Variants in DIAPH2 observed in about 807,000 individuals in gnomAD.
DIAPH2 encodes protein diaphanous homolog 2.
A neutral mutation model predicts 92.7 loss-of-function variants in DIAPH2; 35 were observed. The ratio of observed to expected loss-of-function variants is 0.38; its 90% CI spans 0.29 to 0.50. The LOEUF (loss-of-function observed/expected upper bound fraction) is 0.50, where lower values mean the gene tolerates loss of function less well. DIAPH2 is among the 20% of genes least tolerant of loss of function. DIAPH2 has a pLI of 0.94. For synonymous variants in DIAPH2, 301 were observed against 280.4 expected (o/e 1.07, Z -0.73); for missense variants, 701 against 819.5 (o/e 0.86, Z 1.77).
Position 96,735,741 on chromosome X carries a change from CT to C in DIAPH2, c.133-12del. ...TCTGATGGGTTTTTTTTGTTTGTTTCTTTTTGGTTTTAATAGAACATTCAAA... is the reference window on the plus strand; with the variant it reads ...TCTGATGGGTTTTTTTTGTTTGTTTCTTTTGGTTTTAATAGAACATTCAAA... On this transcript the variant is annotated splice_polypyrimidine_tract_variant and intron_variant, in intron 1 of 26. Transcript: ENST00000324765. The C allele has an allele frequency of 9.8e-7, 1 of 1,025,496 alleles. No individual in the cohort carries two copies. Among genetic ancestry groups the C allele is most frequent in the Non-Finnish European group, 1.3e-6 (1 of 753,450 alleles). 84.5% of individuals were successfully genotyped at this position (1,025,496 alleles called of 1,213,427 possible).
chrX:96,958,969 TC>T (rs1312160489), intron 16 of DIAPH2, among the ~76,000 whole-genome samples: 1 of 111,988 alleles, frequency 8.9e-6, no homozygotes, highest in Non-Finnish European at 1.9e-5. Context: ...ATTTTCTTTA[TC>T]CATTCATCCG....
At chrX:97,098,349 A>G (rs1174806018) in intron 19 of DIAPH2, among the ~76,000 whole-genome samples, 2 of 110,983 alleles carry the variant, frequency 1.8e-5, no homozygotes, top group African/African-American at 6.6e-5. Context: ...TTAAGCAATA[A>G]CTCCCCATAC....
At chrX:97,497,993 C>G (rs889550838) in intron 26 of DIAPH2, among the ~76,000 whole-genome samples, 1 of 111,058 alleles carries the variant, frequency 9.0e-6, no homozygotes, top group African/African-American at 3.3e-5. Flanking sequence ...ACAGTGGTCT[C>G]CCAGCCATGG....
intron 23 of DIAPH2, among the ~76,000 whole-genome samples, chrX:97,294,747 C>A (rs188516768): frequency 1.4e-4 from 16 of 111,538 alleles, no homozygotes; most frequent in African/African-American, 4.9e-4. Flanking sequence ...TGTAAAATTG[C>A]GAGTAATTTT....
Position 97,379,973 on chromosome X carries a change from C to CTT in DIAPH2, c.3010-3926_3010-3925dup, listed in dbSNP as rs1181397104. 3.0e-5 allele frequency among the ~76,000 whole-genome samples: 3 copies of CTT among 100,510 alleles called. No homozygotes were observed. The South Asian group carries it at 1.3e-3, about 44-fold the overall frequency. The allele number at this position is 100,510 out of a possible 115,157, so 87.3% of individuals were successfully genotyped here. Reference sequence around the variant, plus strand: ...TCTTAGCATTTACGTGAATTTCTTTCTTTTTTTTTTTAGCATATGACATTT... The same window carrying CTT: ...TCTTAGCATTTACGTGAATTTCTTTCTTTTTTTTTTTTTAGCATATGACATTT... On this transcript the variant is annotated intron_variant, in intron 24 of 26. Transcript: ENST00000324765.
intron 26 of DIAPH2, among the ~76,000 whole-genome samples, chrX:97,537,908 A>G (rs2071108987): frequency 1.0e-5 from 1 of 97,922 alleles, no homozygotes; most frequent in Non-Finnish European, 2.0e-5. Flanking sequence ...TTTTTTTGAG[A>G]CAGTCTCGTT....
At chrX:97,150,420 A>G (rs1266361552) in intron 22 of DIAPH2, among the ~76,000 whole-genome samples, 3 of 111,618 alleles carry the variant, frequency 2.7e-5, no homozygotes, top group Non-Finnish European at 5.6e-5. Flanking sequence ...TTATAGACAT[A>G]TATAGGTTTT....
intron 23 of DIAPH2, among the ~76,000 whole-genome samples, chrX:97,268,446 T>G (rs767175603): frequency 6.2e-5 from 7 of 112,809 alleles, no homozygotes; most frequent in Admixed American, 9.4e-5. Context: ...ACATTTACTG[T>G]GCTATGGTGA....
chrX:97,157,334 T>TATA (rs61008919), intron 22 of DIAPH2, among the ~76,000 whole-genome samples: 146 of 103,680 alleles, frequency 1.4e-3, no homozygotes, highest in East Asian at 5.0e-3. Flanking sequence ...ATAATAATAA[T>TATA]ATAATAATAA....
At chrX:96,886,771 C>A (rs1245371849) in intron 5 of DIAPH2, among the ~76,000 whole-genome samples, 7 of 111,009 alleles carry the variant, frequency 6.3e-5, no homozygotes, top group Non-Finnish European at 9.4e-5. Flanking sequence ...ATACAATATT[C>A]TTTTGTGACA....
At chrX:97,309,020 A>G (rs1295326445) in intron 23 of DIAPH2, among the ~76,000 whole-genome samples, 4 of 109,379 alleles carry the variant, frequency 3.7e-5, no homozygotes, top group Non-Finnish European at 1.9e-5. Flanking sequence ...CTCCGTCTCA[A>G]AAAAACAAAA....
Position 96,704,632 on chromosome X carries a change from A to T in DIAPH2, c.132+19442A>T, listed in dbSNP as rs181707967. Among the ~76,000 whole-genome samples the T allele has an allele frequency of 1.4e-3, 157 of 111,383 alleles. 1 individual carries two copies. The highest frequency in any genetic ancestry group is 4.9e-3 in the African/African-American group (151 of 30,673). Reference sequence around the variant, plus strand: ...TTACTCTGCTACTGGTCTCTCCTCCATTTTTGCTTAGTAGTGTGGAGCACA... The same window carrying T: ...TTACTCTGCTACTGGTCTCTCCTCCTTTTTTGCTTAGTAGTGTGGAGCACA... On this transcript the variant is annotated intron_variant, in intron 1 of 26. Transcript: ENST00000324765.
intron 4 of DIAPH2, among the ~76,000 whole-genome samples, chrX:96,823,963 TATAA>T (rs1288129106): frequency 5.6e-5 from 6 of 107,983 alleles, no homozygotes; most frequent in African/African-American, 1.7e-4. Context: ...AAGGTATATA[TATAA>T]ATAAAGAAAT....
At chrX:97,543,503 T>G (rs921280933) in intron 26 of DIAPH2, among the ~76,000 whole-genome samples, 2 of 110,901 alleles carry the variant, frequency 1.8e-5, no homozygotes, top group Admixed American at 1.9e-4. Context: ...AGAATTTTTT[T>G]TTCTTTTTTC....
At chrX:97,454,668 A>G (rs1005208664) in intron 26 of DIAPH2, among the ~76,000 whole-genome samples, 2 of 110,672 alleles carry the variant, frequency 1.8e-5, no homozygotes, top group African/African-American at 6.6e-5. Context: ...ATCCTGGCCA[A>G]CATGGTGAAA....
chrX:97,133,651 G>T (rs2067152646), intron 21 of DIAPH2, among the ~76,000 whole-genome samples: 1 of 112,067 alleles, frequency 8.9e-6, no homozygotes, highest in Non-Finnish European at 1.9e-5. Flanking sequence ...AGGGAGCCAA[G>T]GTCCGCTGCT....
At chrX:97,199,463 C>T (rs1039673614) in intron 22 of DIAPH2, among the ~76,000 whole-genome samples, 5 of 111,606 alleles carry the variant, frequency 4.5e-5, no homozygotes, top group African/African-American at 1.6e-4. Flanking sequence ...GTCTCTCAAG[C>T]AAGCATTTAT....
At chrX:96,974,623 C>T (rs1569269225) in intron 17 of DIAPH2, among the ~76,000 whole-genome samples, 1 of 111,450 alleles carries the variant, frequency 9.0e-6, no homozygotes, top group South Asian at 3.7e-4. Flanking sequence ...TTAGAAACAG[C>T]TGGAGAATAT....
chrX:97,038,633 T>C (rs1173962507), intron 17 of DIAPH2, among the ~76,000 whole-genome samples: 1 of 109,269 alleles, frequency 9.2e-6, no homozygotes, highest in Non-Finnish European at 1.9e-5. Context: ...GTTTTTTGAC[T>C]TTTTAATAAT....
Sources: allele counts gnomAD v4.1 joint callset (sites outside exome capture counted in the v4.1 genomes callset), GRCh38; gene constraint gnomAD v4.1.1; transcripts MANE v1.5; gene names NCBI Gene and HGNC (gene_info 2026-07-23, HGNC 2026-07-21).